Variants in NBEAL2 observed in about 807,000 individuals in gnomAD.
NBEAL2 encodes the protein neurobeachin-like protein 2.
NBEAL2 carries 160 observed loss-of-function variants against 299.8 expected under a neutral mutation model. The observed-to-expected ratio is 0.53, with a 90% CI of 0.47 to 0.61. The LOEUF (loss-of-function observed/expected upper bound fraction) is 0.61. NBEAL2 is among the 20% of genes least tolerant of loss of function. The pLI, the probability that NBEAL2 is intolerant of heterozygous loss-of-function variation, is 0.00. For missense variants in NBEAL2, 3,112 were observed against 3,649.0 expected (o/e 0.85, Z 3.79); for synonymous variants, 1,493 against 1,542.3 (o/e 0.97, Z 0.75).
rs886589979 is a variant in NBEAL2 at position 46,999,722 on chromosome 3, A to C, written c.3789+7A>C. 4 of 1,612,270 alleles carry C rather than the reference A, an allele frequency of 2.5e-6. No individual in the cohort carries two copies. In the African/African-American group the frequency reaches 5.3e-5, roughly 22 times the overall value. ...CCTAGACATCTGTCGCCAGGTGAGC[A>C]TGAGAGGTAAAAGCTTTGGGGGAGG... On this transcript the variant is annotated splice_region_variant and intron_variant, in intron 26 of 53. Coordinates refer to ENST00000450053, the MANE Select transcript of NBEAL2 (RefSeq NM_015175.3).
At chr3:46,993,809 CAG>C (rs2036276928) in intron 10 of NBEAL2, 126 bp from the exon 11 acceptor site, 7 of 788,922 alleles carry the variant, frequency 8.9e-6, no homozygotes, top group Non-Finnish European at 1.5e-5. Context: ...GGTGCTCTGA[CAG>C]AGTTGCTGAT....
chr3:47,007,793 T>C (rs2037567690), intron 48 of NBEAL2, 23 bp from the exon 49 acceptor site: 1 of 1,611,288 alleles, frequency 6.2e-7, no homozygotes, highest in Non-Finnish European at 8.5e-7. Flanking sequence ...CCGTTCTGCC[T>C]GTACCCTCCC....
chr3:46,995,001 G>C, intron 12 of NBEAL2, 31 bp from the exon 13 acceptor site: 1 of 1,513,356 alleles, frequency 6.6e-7, no homozygotes, highest in Non-Finnish European at 8.9e-7. Flanking sequence ...TGCCACAGCT[G>C]ACCAGGGACT....
intron 1 of NBEAL2, among the ~76,000 whole-genome samples, chr3:46,987,391 G>A (rs2035740518): frequency 6.6e-6 from 1 of 152,234 alleles, no homozygotes; most frequent in Admixed American, 6.5e-5. Context: ...AGGAAAGAAG[G>A]CTGCCTTTTG....
intron 19 of NBEAL2, 46 bp from the exon 20 acceptor site, chr3:46,997,515 T>G: frequency 1.3e-6 from 2 of 1,584,900 alleles, no homozygotes; most frequent in Non-Finnish European, 1.7e-6. Flanking sequence ...TCCTGGCCAC[T>G]GGCAGGCCCT....
In NBEAL2 at chr3:47,009,526, C is replaced by A. The variant is rs562506281; in HGVS notation, c.*206C>A. 1.7e-6 allele frequency: 1 copy of A among 591,782 alleles called. No homozygotes were observed. Among genetic ancestry groups the A allele is most frequent in the African/African-American group, 1.9e-5 (1 of 51,532 alleles). 36.7% of individuals were successfully genotyped at this position (591,782 alleles called of 1,614,324 possible). ...CGCCCCTCGCCGGCTGAGGGGCCGC[C>A]CTGAGGGCCAGCACTGGCGTCTGCG... On this transcript the variant is annotated 3_prime_UTR_variant, in exon 54 of 54. Transcript: ENST00000450053.
Position 47,000,866 on chromosome 3 carries a change from C to T in NBEAL2, c.4306-135C>T. 7.6e-7 allele frequency: 1 copy of T among 1,316,784 alleles called. No homozygotes were observed. The allele number at this position is 1,316,784 out of a possible 1,614,324, so 81.6% of individuals were successfully genotyped here. On this transcript the variant is annotated intron_variant, in intron 27 of 53. Transcript: ENST00000450053. The surrounding 1 kb of genome is among the most constrained non-coding windows in gnomAD (Gnocchi z 4.5). Reference sequence around the variant, plus strand: ...TCTTCCAGGCCCTTAGTGCCAGGCTCACTGTTAGCCAAATGCTCTGACTCC... The same window carrying T: ...TCTTCCAGGCCCTTAGTGCCAGGCTTACTGTTAGCCAAATGCTCTGACTCC...
chr3:46,979,927 CCCCGCG>C lies in NBEAL2; in HGVS notation c.51+21_51+26del. 2.7e-6 allele frequency: 1 copy of C among 376,846 alleles called. No homozygotes were observed. Among genetic ancestry groups the C allele is most frequent in the African/African-American group, 2.1e-5 (1 of 47,154 alleles). The allele number at this position is 376,846 out of a possible 1,614,324, so 23.3% of individuals were successfully genotyped here. A position where few individuals can be genotyped will look rare whatever the true frequency, so the allele number is the denominator to read the frequency against. ...ACTACGCGCAGGTGAGCCCGCCCCG[CCCCGCG>C]CCCGCACCCGCACCCGCGGTGCCCC... On this transcript the variant is annotated intron_variant, in intron 1 of 53. Transcript: ENST00000450053.
intron 1 of NBEAL2, among the ~76,000 whole-genome samples, chr3:46,980,917 A>G (rs950596724): frequency 6.6e-6 from 1 of 152,124 alleles, no homozygotes; most frequent in Non-Finnish European, 1.5e-5. Flanking sequence ...TGTGCCCTGA[A>G]CAGTTTGTCA....
rs753011888 is a variant in NBEAL2 at position 47,002,219 on chromosome 3, C to T, written c.5082C>T (p.Ser1694=). The change falls in exon 31 of 54, where the codon AGC becomes AGT. Residue 1694 remains serine, a synonymous_variant. Coordinates refer to ENST00000450053, the MANE Select transcript of NBEAL2 (RefSeq NM_015175.3). ...CCTCCCTGCCACCCACCAATGGCAG[C>T]CCCACCTTCTTTGAAGACTTCCAGG... The part of the protein sequence containing the change: ...GLPSLPPTNG[S]PTFFEDFQAF... 146 of 1,538,472 alleles carry T rather than the reference C, an allele frequency of 9.5e-5. No individual in the cohort carries two copies. The highest frequency in any genetic ancestry group is 1.3e-4 in the Non-Finnish European group (145 of 1,140,626).
chr3:46,983,734 G>C (rs2035507033), intron 1 of NBEAL2, among the ~76,000 whole-genome samples: 1 of 152,282 alleles, frequency 6.6e-6, no homozygotes, highest in Non-Finnish European at 1.5e-5. Flanking sequence ...AGAAGGGCCT[G>C]TAGTGATAGG....
Position 46,996,589 on chromosome 3 carries a change from C to A in NBEAL2, c.2470C>A (p.Leu824Met). 6.5e-7 allele frequency: 1 copy of A among 1,528,228 alleles called. No homozygotes were observed. The highest frequency in any genetic ancestry group is 8.8e-7 in the Non-Finnish European group (1 of 1,136,202). 94.7% of individuals were successfully genotyped at this position (1,528,228 alleles called of 1,614,324 possible). ...QATALRTLCT[L>M]GPNETAPFKP... ...GACGGCTCTGAGGACCCTGTGCACC[C>A]TGGGTATGCAGCATTCTCCATCTCT... Residue 824 changes from leucine (L) to methionine (M), a missense_variant, in exon 16 of 54, where the codon CTG becomes ATG. Leu to Met is a conservative substitution (Grantham distance 15, BLOSUM62 2). Around this residue, in one of 3 missense-constraint regions of NBEAL2, gnomAD observed 2,243 missense variants for 2,538.1 expected, o/e 0.88. Coordinates refer to ENST00000450053, the MANE Select transcript of NBEAL2 (RefSeq NM_015175.3).
In NBEAL2 at chr3:47,000,076, C is replaced by T; in HGVS notation, c.3977C>T (p.Ala1326Val). 6.2e-7 allele frequency: 1 copy of T among 1,613,686 alleles called. No homozygotes were observed. The highest frequency in any genetic ancestry group is 1.1e-5 in the South Asian group (1 of 91,072). Reference protein sequence around the residue: ...APPKPPTESPAEPSDVFLPSE... With the variant: ...APPKPPTESPVEPSDVFLPSE... Reference sequence around the variant, plus strand: ...CCCAAGCCACCCACTGAGTCACCTGCTGAGCCTTCAGATGTCTTCCTGCCC... The same window carrying T: ...CCCAAGCCACCCACTGAGTCACCTGTTGAGCCTTCAGATGTCTTCCTGCCC... The change falls in exon 27 of 54, where the codon GCT (alanine) becomes GTT (valine). Residue 1326 changes from alanine (A) to valine (V), a missense_variant. Ala to Val is a moderately conservative substitution (Grantham distance 64, BLOSUM62 0). This residue lies in a region of NBEAL2 where 2,243 missense variants were observed against 2,538.1 expected (regional missense o/e 0.88). Coordinates refer to ENST00000450053, the MANE Select transcript of NBEAL2 (RefSeq NM_015175.3). This position sits in a 1 kb window ranked among gnomAD's most constrained non-coding sequence, Gnocchi z 4.5.
In NBEAL2 at chr3:47,007,360, A is replaced by G; in HGVS notation, c.7334+10A>G. On this transcript the variant is annotated intron_variant, in intron 47 of 53. Transcript: ENST00000450053. ...CCATGGGCAGCCACAAGTAGGACAG[A>G]GGGCTGTGGGTGGGGTGGGCTACAA... The G allele has an allele frequency of 1.3e-6, 2 of 1,596,040 alleles. No homozygotes were observed. Among genetic ancestry groups the G allele is most frequent in the Middle Eastern group, 3.3e-4 (2 of 6,044 alleles).
In NBEAL2 at chr3:47,003,713, T is replaced by G; in HGVS notation, c.5721-103T>G. 4.3e-6 allele frequency: 6 copies of G among 1,394,190 alleles called. No individual in the cohort carries two copies. The highest frequency in any genetic ancestry group is 4.8e-6 in the Non-Finnish European group (5 of 1,045,130). The allele number at this position is 1,394,190 out of a possible 1,614,324, so 86.4% of individuals were successfully genotyped here. ...AGCCCCTCCCCATCTCTGGGAGTCA[T>G]GAGAGTATATACCCCATGACTCAAT... On this transcript the variant is annotated intron_variant, in intron 35 of 53. Coordinates refer to ENST00000450053, the MANE Select transcript of NBEAL2 (RefSeq NM_015175.3). This position sits in a 1 kb window ranked among gnomAD's most constrained non-coding sequence, Gnocchi z 7.0.
At chr3:46,994,245 T>A (rs749511) in intron 11 of NBEAL2, among the ~76,000 whole-genome samples, 1 of 151,936 alleles carries the variant, frequency 6.6e-6, no homozygotes, top group Non-Finnish European at 1.5e-5. Context: ...GAATGGACAC[T>A]TGTAGGCCCA....
At position 46,997,423 on chromosome 3, in the gene NBEAL2, T is replaced by C; in HGVS notation, c.2814T>C (p.Gly938=). Residue 938 remains glycine, a synonymous_variant, in exon 19 of 54, where the codon GGT becomes GGC. Coordinates refer to ENST00000450053, the MANE Select transcript of NBEAL2 (RefSeq NM_015175.3). ...CCCAGGGCCTGGTTCTCCCATTGGG[T>C]AAATCTTCAGGTAAGTGTTCCTGGT... ...HNTQGLVLPL[G]KSSEERMERN... is the part of the protein sequence containing the mutation. The C allele has an allele frequency of 6.2e-7, 1 of 1,609,132 alleles. No individual in the cohort carries two copies. Among genetic ancestry groups the C allele is most frequent in the South Asian group, 1.1e-5 (1 of 90,964 alleles).
chr3:47,000,167 T>G lies in NBEAL2; in HGVS notation c.4068T>G (p.Phe1356Leu). The change falls in exon 27 of 54, where the codon TTT becomes TTG. Residue 1356 changes from phenylalanine to leucine, a missense_variant. Physicochemically the swap from Phe to Leu is conservative, Grantham distance 22. This residue lies in a region of NBEAL2 where 2,243 missense variants were observed against 2,538.1 expected (regional missense o/e 0.88). Transcript: ENST00000450053. This position sits in a 1 kb window ranked among gnomAD's most constrained non-coding sequence, Gnocchi z 4.5. ...CTCTCTCCCCATTCTGCACGCCCTT[T>G]GACCTGGGCCTGGAACGGTCTAGTG... Reference protein sequence around the residue: ...YHALSPFCTPFDLGLERSSVG... With the variant: ...YHALSPFCTPLDLGLERSSVG... 1.9e-6 allele frequency: 3 copies of G among 1,613,846 alleles called. No individual in the cohort carries two copies. The South Asian group carries it at 3.3e-5, about 18-fold the overall frequency.
At chr3:46,987,783 C>T (rs1392336752) in intron 1 of NBEAL2, among the ~76,000 whole-genome samples, 1 of 152,166 alleles carries the variant, frequency 6.6e-6, no homozygotes, top group African/African-American at 2.4e-5. Flanking sequence ...GCCCACAAGC[C>T]CCACCCAGGA....
Sources: gnomAD v4.1 joint callset for allele counts (sites outside exome capture counted in the v4.1 genomes callset) on GRCh38, gnomAD v4.1.1 for gene constraint, gnomAD v4.1.1 regional missense constraint, Gnocchi (gnomAD v3.1) non-coding constraint, MANE v1.5 for transcripts, NCBI Gene and HGNC (gene_info 2026-07-23, HGNC 2026-07-21) for gene names.